RALYL: variants seen among roughly 807,000 people sequenced by gnomAD.
RALYL encodes RALY RNA binding protein like.
RALYL carries 29 observed loss-of-function variants against 35.1 expected under a neutral mutation model. That is an observed-to-expected ratio of 0.83 (90% confidence interval 0.61 to 1.13). The LOEUF (loss-of-function observed/expected upper bound fraction) is 1.13, where lower values mean the gene tolerates loss of function less well. Ranked by LOEUF, RALYL falls within the 50% of genes most tolerant of loss-of-function variation. The probability of loss-of-function intolerance (pLI) is 0.00; values close to 1 mark genes in which losing one functional copy is unlikely to be tolerated. For synonymous variants in RALYL, 120 were observed against 127.6 expected, an observed-to-expected ratio of 0.94 and a Z score of 0.40; for missense variants, 359 against 360.4, an observed-to-expected ratio of 1.00 and a Z score of 0.03.
chr8:84,387,476 T>A lies in RALYL; in HGVS notation c.-23-141823T>A, dbSNP rs16912777. Among the ~76,000 whole-genome samples the A allele has an allele frequency of 8.2e-3, 1,250 of 152,024 alleles. 20 individuals carry two copies. The highest frequency in any genetic ancestry group is 0.028 in the African/African-American group (1,153 of 41,530). On this transcript the variant is annotated intron_variant, in intron 1 of 8. Transcript: ENST00000521268. Reference sequence around the variant, plus strand: ...CAGGCTGTACTTAATTCAGGTAAACTTCAAAATCACTCCTCTCCCCTTAAT... The same window carrying A: ...CAGGCTGTACTTAATTCAGGTAAACATCAAAATCACTCCTCTCCCCTTAAT...
intron 1 of RALYL, among the ~76,000 whole-genome samples, chr8:84,212,182 G>A (rs1311315826): frequency 6.6e-6 from 1 of 152,050 alleles, no homozygotes; most frequent in African/African-American, 2.4e-5. Context: ...TAATAATTCT[G>A]AATATACATT....
intron 2 of RALYL, among the ~76,000 whole-genome samples, chr8:84,608,186 T>G (rs1339220214): frequency 6.6e-6 from 1 of 152,078 alleles, no homozygotes; most frequent in Non-Finnish European, 1.5e-5. Flanking sequence ...GCCTAGAGCA[T>G]CTCCTCCAGG....
chr8:84,721,026 G>A (rs1843801740), intron 2 of RALYL, among the ~76,000 whole-genome samples: 1 of 151,882 alleles, frequency 6.6e-6, no homozygotes, highest in Admixed American at 6.6e-5. Flanking sequence ...AAGTGGGAAT[G>A]CAAACTAGTA....
chr8:84,896,167 C>T (rs1299917739), intron 8 of RALYL, among the ~76,000 whole-genome samples: 1 of 152,136 alleles, frequency 6.6e-6, no homozygotes, highest in Non-Finnish European at 1.5e-5. Flanking sequence ...CTCAGAGGTG[C>T]AGGACCCACA....
chr8:84,853,296 A>G (rs1038240655), intron 5 of RALYL, among the ~76,000 whole-genome samples: 2 of 152,188 alleles, frequency 1.3e-5, no homozygotes, highest in African/African-American at 4.8e-5. Flanking sequence ...TCATCTTTAA[A>G]AGGAAGCCAG....
At chr8:84,539,892 G>A (rs1386262722) in intron 2 of RALYL, among the ~76,000 whole-genome samples, 61 of 135,736 alleles carry the variant, frequency 4.5e-4, no homozygotes, top group African/African-American at 1.2e-3. Flanking sequence ...ATATATGTGT[G>A]TGTGTGTGTG....
chr8:84,800,739 C>G (rs1823049957), intron 3 of RALYL, among the ~76,000 whole-genome samples: 1 of 152,222 alleles, frequency 6.6e-6, no homozygotes, highest in Non-Finnish European at 1.5e-5. Flanking sequence ...TCCGTTTCTA[C>G]AGATTAAATT....
At chr8:84,403,524 GTTTTTTTTTTTTTT>G (rs769845435) in intron 1 of RALYL, among the ~76,000 whole-genome samples, 4,265 of 39,886 alleles carry the variant, frequency 0.11, 303 homozygotes, top group African/African-American at 0.27. Flanking sequence ...CTATATCTCT[GTTTTTTTTTTTTTT>G]TTTTTTTTTT....
chr8:84,300,174 C>T (rs1197496481), intron 1 of RALYL, among the ~76,000 whole-genome samples: 1 of 151,932 alleles, frequency 6.6e-6, no homozygotes, highest in Non-Finnish European at 1.5e-5. Flanking sequence ...GTCTTGATTT[C>T]TGCCTTAATT....
At chr8:84,882,182 T>C (rs1223151805) in intron 7 of RALYL, among the ~76,000 whole-genome samples, 1 of 151,998 alleles carries the variant, frequency 6.6e-6, no homozygotes, top group Non-Finnish European at 1.5e-5. Context: ...GCTTTTTGGC[T>C]TCTAATCGAC....
chr8:84,313,979 A>T (rs2130050788), intron 1 of RALYL, among the ~76,000 whole-genome samples: 1 of 152,250 alleles, frequency 6.6e-6, no homozygotes, highest in African/African-American at 2.4e-5. Context: ...ATACTACCTG[A>T]AACTGGGTAA....
intron 1 of RALYL, among the ~76,000 whole-genome samples, chr8:84,224,174 A>T (rs961964399): frequency 1.3e-5 from 2 of 152,126 alleles, no homozygotes; most frequent in African/African-American, 4.8e-5. Flanking sequence ...CAAAATGGTC[A>T]TATGCTCACT....
chr8:84,766,126 G>A (rs1813891810), intron 2 of RALYL, among the ~76,000 whole-genome samples: 1 of 152,046 alleles, frequency 6.6e-6, no homozygotes, highest in Non-Finnish European at 1.5e-5. Flanking sequence ...ACTCCAAGTT[G>A]AATCCATGGC....
chr8:84,334,692 A>G (rs1442067436), intron 1 of RALYL, among the ~76,000 whole-genome samples: 2 of 152,062 alleles, frequency 1.3e-5, no homozygotes, highest in Non-Finnish European at 2.9e-5. Context: ...CCTAATCCAC[A>G]ATCCAATCCA....
intron 1 of RALYL, among the ~76,000 whole-genome samples, chr8:84,500,848 T>C (rs373330276): frequency 5.3e-5 from 8 of 152,264 alleles, no homozygotes; most frequent in African/African-American, 1.9e-4. Context: ...ATTTTGAATC[T>C]CAAAATAATT....
intron 2 of RALYL, among the ~76,000 whole-genome samples, chr8:84,531,929 T>G (rs2059304080): frequency 6.6e-6 from 1 of 152,084 alleles, no homozygotes; most frequent in African/African-American, 2.4e-5. Flanking sequence ...TGCTTTGCTT[T>G]GAGAGGCACA....
intron 4 of RALYL, among the ~76,000 whole-genome samples, chr8:84,835,747 T>A (rs1586652441): frequency 6.7e-6 from 1 of 149,884 alleles, no homozygotes; most frequent in Non-Finnish European, 1.5e-5. Flanking sequence ...CATATGTTGA[T>A]GGATGGAGAG....
At chr8:84,330,394 A>G (rs548341525) in intron 1 of RALYL, among the ~76,000 whole-genome samples, 137 of 152,134 alleles carry the variant, frequency 9.0e-4, no homozygotes, top group African/African-American at 3.0e-3. Context: ...ATGCTAAGGA[A>G]ATGGTAGATC....
chr8:84,493,743 CT>C lies in RALYL; in HGVS notation c.-23-35553del, dbSNP rs1459933052. Among the ~76,000 whole-genome samples the C allele has an allele frequency of 2.0e-5, 3 of 151,572 alleles. No individual in the cohort carries two copies. In the East Asian group the frequency reaches 5.8e-4, roughly 29 times the overall value. ...CTTTTGAGAAGTGTCTGTTCATGCC[CT>C]TTGCCCACTTTTTTTTTCTTGTAAA... On this transcript the variant is annotated intron_variant, in intron 1 of 8. Transcript: ENST00000521268.
Sources: allele counts gnomAD v4.1 joint callset (sites outside exome capture counted in the v4.1 genomes callset), GRCh38; gene constraint gnomAD v4.1.1; transcripts MANE v1.5; gene names NCBI Gene and HGNC (gene_info 2026-07-23, HGNC 2026-07-21).